Variants in STK3 observed in about 807,000 individuals in gnomAD.
STK3 encodes serine/threonine kinase 3, also known as serine/threonine-protein kinase 3.
Under a neutral mutation model 58.0 loss-of-function variants are expected in STK3, and 41 were observed. The ratio of observed to expected loss-of-function variants is 0.71; its 90% confidence interval spans 0.55 to 0.92. STK3 has a LOEUF of 0.92. STK3 is among the 40% of genes least tolerant of loss of function. The pLI is 0.00. For synonymous variants in STK3, 170 were observed against 191.0 expected, an observed-to-expected ratio of 0.89 and a Z score of 0.91; for missense variants, 479 against 602.7, an observed-to-expected ratio of 0.79 and a Z score of 2.15.
chr8:98,597,623 A>G (rs1815941408), intron 6 of STK3: 4 of 985,440 alleles, frequency 4.1e-6, no homozygotes, highest in African/African-American at 1.7e-5. Context: ...TCACATTGCC[A>G]CAAGATGAAT....
intron 3 of STK3, among the ~76,000 whole-genome samples, chr8:98,840,141 G>A (rs1206659604): frequency 2.0e-5 from 3 of 152,004 alleles, no homozygotes; most frequent in Non-Finnish European, 4.4e-5. Context: ...GAGGCCAGGA[G>A]TTCAAGACCA....
At chr8:98,362,541 G>C in the STK3 span, among the ~76,000 whole-genome samples, 8 of 152,174 alleles carry the variant, frequency 5.3e-5, no homozygotes, top group Non-Finnish European at 1.5e-5. Flanking sequence ...ACTGTGGGGG[G>C]ACACTTTTCC....
At chr8:98,359,097 C>A in the STK3 span, among the ~76,000 whole-genome samples, 1 of 151,930 alleles carries the variant, frequency 6.6e-6, no homozygotes, top group East Asian at 1.9e-4. Context: ...ATGTGAGCTC[C>A]CAGGGGCAAG....
At chr8:98,717,717 A>G (rs994712271) in intron 4 of STK3, among the ~76,000 whole-genome samples, 3 of 152,216 alleles carry the variant, frequency 2.0e-5, no homozygotes, top group African/African-American at 7.2e-5. Context: ...GTGTTTTTGA[A>G]CAAGTTTCAC....
intron 4 of STK3, among the ~76,000 whole-genome samples, chr8:98,716,140 G>A (rs1204863664): frequency 6.6e-6 from 1 of 152,146 alleles, no homozygotes; most frequent in African/African-American, 2.4e-5. Flanking sequence ...GTTGTGGGGT[G>A]TGGGGAGTGG....
At chr8:98,931,270 C>G (rs958753412) in intron 1 of STK3, among the ~76,000 whole-genome samples, 1 of 152,100 alleles carries the variant, frequency 6.6e-6, no homozygotes, top group African/African-American at 2.4e-5. Context: ...GAATTTGGAA[C>G]AAATGTTTGG....
At position 98,528,636 on chromosome 8, in the gene STK3, G is replaced by A. The variant is rs546526995; in HGVS notation, c.1142-1719C>T. ...CAAGTAGCTGGGATTACAGGCATGC[G>A]CCACCATGCCCGGCTAATTTTGTAT... On this transcript the variant is annotated intron_variant, in intron 9 of 10. Transcript: ENST00000419617. Among the ~76,000 whole-genome samples the A allele has an allele frequency of 4.6e-5, 7 of 152,138 alleles. No homozygotes were observed. The South Asian group carries it at 6.2e-4, about 14-fold the overall frequency.
intron 6 of STK3, among the ~76,000 whole-genome samples, chr8:98,653,079 G>C (rs1283699287): frequency 6.6e-6 from 1 of 152,134 alleles, no homozygotes; most frequent in African/African-American, 2.4e-5. Flanking sequence ...CACATAGCTG[G>C]AAGTAAAGCT....
At chr8:98,366,830 C>CCTAT (rs1817569847), downstream of STK3, among the ~76,000 whole-genome samples, 2 of 152,136 alleles carry the variant, frequency 1.3e-5, no homozygotes, top group Admixed American at 6.5e-5. Context: ...GTCTACTAGA[C>CCTAT]CTATCTTTCC....
At chr8:98,558,539 G>A (rs1244125869) in intron 8 of STK3, among the ~76,000 whole-genome samples, 1 of 151,910 alleles carries the variant, frequency 6.6e-6, no homozygotes, top group Non-Finnish European at 1.5e-5. Context: ...GTATACAAAA[G>A]TAAATAATGA....
At chr8:98,588,260 C>T (rs1470676470) in intron 7 of STK3, among the ~76,000 whole-genome samples, 14 of 151,968 alleles carry the variant, frequency 9.2e-5, no homozygotes, top group South Asian at 2.1e-4. Context: ...CCATTTTTAG[C>T]GCTTCCTTCA....
chr8:98,688,120 C>T (rs1824140693), intron 6 of STK3, among the ~76,000 whole-genome samples: 1 of 146,926 alleles, frequency 6.8e-6, no homozygotes, highest in South Asian at 2.5e-4. Flanking sequence ...AAGCAGAGGT[C>T]TTATATTAGA....
At chr8:98,646,226 G>A (rs1289429323) in intron 6 of STK3, among the ~76,000 whole-genome samples, 1 of 151,934 alleles carries the variant, frequency 6.6e-6, no homozygotes, top group African/African-American at 2.4e-5. Flanking sequence ...CCTTTCCTTG[G>A]TCTTCCCCTT....
At chr8:98,612,940 G>A (rs1485245679) in intron 6 of STK3, among the ~76,000 whole-genome samples, 1 of 152,210 alleles carries the variant, frequency 6.6e-6, no homozygotes, top group African/African-American at 2.4e-5. Context: ...TAGACAGCAA[G>A]TAGAACCTGT....
intron 1 of STK3, among the ~76,000 whole-genome samples, chr8:98,380,963 C>CTTT (rs33934435): frequency 2.3e-5 from 1 of 44,096 alleles, no homozygotes; most frequent in Non-Finnish European, 4.0e-5. Context: ...TCTCTCTCTC[C>CTTT]TTTTTTTTTT....
At chr8:98,640,733 T>C (rs1819956798) in intron 6 of STK3, among the ~76,000 whole-genome samples, 1 of 151,772 alleles carries the variant, frequency 6.6e-6, no homozygotes, top group African/African-American at 2.4e-5. Context: ...ATAAATACAG[T>C]ATACCTAACA....
chr8:98,551,489 G>A (rs532974802), intron 8 of STK3, among the ~76,000 whole-genome samples: 30 of 152,210 alleles, frequency 2.0e-4, no homozygotes, highest in African/African-American at 6.7e-4. Context: ...AACCAACCCT[G>A]ACAAATGGAG....
At chr8:98,627,496 G>GAAA (rs71572020) in intron 6 of STK3, among the ~76,000 whole-genome samples, 1 of 101,002 alleles carries the variant, frequency 9.9e-6, no homozygotes, top group Admixed American at 9.6e-5. Flanking sequence ...AAAGAAAAAA[G>GAAA]AAAAAAAAAA....
rs376640758 is a variant in STK3 at position 98,579,811 on chromosome 8, G to T, written c.823-22C>A. 1,459 of 1,547,256 alleles carry T rather than the reference G, an allele frequency of 9.4e-4. 1 individual carries two copies. Among genetic ancestry groups the T allele is most frequent in the Non-Finnish European group, 1.1e-3 (1,305 of 1,156,338 alleles). On this transcript the variant is annotated intron_variant, in intron 7 of 10. Coordinates refer to ENST00000419617, the MANE Select transcript of STK3 (RefSeq NM_006281.4). ...GATGCTAAAAAAGTAAAATTCAATG[G>T]TATAAATTCAAAAGATTTTTCCGAA...
Sources: gnomAD v4.1 joint callset for allele counts (sites outside exome capture counted in the v4.1 genomes callset) on GRCh38, gnomAD v4.1.1 for gene constraint, MANE v1.5 for transcripts, NCBI Gene and HGNC (gene_info 2026-07-23, HGNC 2026-07-21) for gene names.